FRMPD4: variants seen among roughly 807,000 people sequenced by gnomAD.
FRMPD4 encodes the protein FERM and PDZ domain-containing protein 4.
FRMPD4 carries 22 observed loss-of-function variants against 94.1 expected under a neutral mutation model. The observed-to-expected ratio is 0.23, with a 90% CI of 0.17 to 0.33. The LOEUF is 0.33. Ranked by LOEUF, FRMPD4 falls within the 10% of genes least tolerant of loss-of-function variation. The pLI is 1.00. For synonymous variants in FRMPD4, 631 were observed against 548.6 expected (o/e 1.15, Z -2.10); for missense variants, 1,111 against 1,339.9 (o/e 0.83, Z 2.67).
At chrX:12,473,112 C>T (rs1215043525) in intron 1 of FRMPD4, among the ~76,000 whole-genome samples, 1 of 111,019 alleles carries the variant, frequency 9.0e-6, no homozygotes, top group Admixed American at 9.4e-5. Context: ...AACAGCTGAT[C>T]TCTCGGCAGA....
intron 3 of FRMPD4, among the ~76,000 whole-genome samples, chrX:12,128,969 G>T (rs2055524300): frequency 9.0e-6 from 1 of 111,642 alleles, no homozygotes; most frequent in Non-Finnish European, 1.9e-5. Context: ...GGACTTCATT[G>T]TCCGTATCAC....
chrX:12,114,743 T>G lies in FRMPD4; in HGVS notation c.95+236725T>G, dbSNP rs187648961. Among the ~76,000 whole-genome samples the G allele has an allele frequency of 3.5e-4, 39 of 112,824 alleles. 1 individual carries two copies. The East Asian group carries it at 9.4e-3, about 27-fold the overall frequency. ...AGAAATAACTCTCATATTTAATTTT[T>G]ATTTCCTTTTTAACCGTCTTTAAAA... On this transcript the variant is annotated intron_variant, in intron 3 of 18. Transcript: ENST00000640291.
chrX:12,545,157 A>G (rs1261209664), intron 2 of FRMPD4, among the ~76,000 whole-genome samples: 4 of 112,106 alleles, frequency 3.6e-5, no homozygotes, highest in Non-Finnish European at 7.5e-5. Flanking sequence ...ATTCTAGAGG[A>G]AACTTGTCCA....
chrX:12,099,797 T>G (rs755803163), intron 3 of FRMPD4, among the ~76,000 whole-genome samples: 4 of 112,612 alleles, frequency 3.6e-5, no homozygotes, highest in Non-Finnish European at 7.5e-5. Flanking sequence ...GGAAAGAACA[T>G]GAGCTCTGAA....
intron 1 of FRMPD4, among the ~76,000 whole-genome samples, chrX:12,309,095 T>C (rs2054990507): frequency 8.9e-6 from 1 of 112,534 alleles, no homozygotes; most frequent in Non-Finnish European, 1.9e-5. Flanking sequence ...TCAACTCTGC[T>C]GTTATTGCAT....
chrX:11,826,768 C>A (rs1009365488), intron 1 of FRMPD4, among the ~76,000 whole-genome samples: 1 of 111,113 alleles, frequency 9.0e-6, no homozygotes, highest in Non-Finnish European at 1.9e-5. Context: ...ATTAATAGAA[C>A]ATTTATCCAG....
chrX:12,200,905 C>T (rs149692841), intron 1 of FRMPD4, among the ~76,000 whole-genome samples: 278 of 112,440 alleles, frequency 2.5e-3, no homozygotes, highest in African/African-American at 8.6e-3. Context: ...ATTGCAAAAA[C>T]AGCTTCTTCC....
chrX:12,455,210 A>C (rs963791997), intron 1 of FRMPD4, among the ~76,000 whole-genome samples: 1 of 111,175 alleles, frequency 9.0e-6, no homozygotes, highest in Non-Finnish European at 1.9e-5. Flanking sequence ...AGAAAAAAGC[A>C]CCCTGTGCTT....
At chrX:12,462,841 T>G (rs1220956075) in intron 1 of FRMPD4, among the ~76,000 whole-genome samples, 2 of 111,322 alleles carry the variant, frequency 1.8e-5, no homozygotes, top group Non-Finnish European at 3.8e-5. Flanking sequence ...ATTTTAAAAA[T>G]TAGCCATGCA....
intron 1 of FRMPD4, among the ~76,000 whole-genome samples, chrX:12,272,744 A>G (rs1224318565): frequency 9.0e-6 from 1 of 111,708 alleles, no homozygotes; most frequent in Non-Finnish European, 1.9e-5. Context: ...AAAAATAAAT[A>G]TATATAAAAT....
chrX:12,153,548 T>C (rs2055892554), intron 1 of FRMPD4, among the ~76,000 whole-genome samples: 1 of 112,519 alleles, frequency 8.9e-6, no homozygotes, highest in African/African-American at 3.2e-5. Context: ...TATCTCCCTT[T>C]CATTCCGATG....
intron 3 of FRMPD4, among the ~76,000 whole-genome samples, chrX:12,080,324 G>A (rs2055052223): frequency 8.9e-6 from 1 of 112,300 alleles, no homozygotes; most frequent in African/African-American, 3.2e-5. Flanking sequence ...AAAGCTTTCT[G>A]GTTTGGACGA....
Position 12,704,275 on chromosome X carries a change from T to A in FRMPD4, c.1071-84T>A. The A allele has an allele frequency of 1.1e-5, 8 of 731,941 alleles. No individual in the cohort carries two copies. The South Asian group carries it at 2.7e-4, about 25-fold the overall frequency. 60.3% of individuals were successfully genotyped at this position (731,941 alleles called of 1,213,427 possible). ...TCTGCCTCACCAAGGGTTCATTTGT[T>A]CCAACAAACATCAGAGCACCATTTT... On this transcript the variant is annotated intron_variant, in intron 10 of 16. Transcript: ENST00000675598.
intron 1 of FRMPD4, among the ~76,000 whole-genome samples, chrX:12,308,007 A>G (rs1213386776): frequency 1.8e-5 from 2 of 111,770 alleles, no homozygotes; most frequent in African/African-American, 6.5e-5. Flanking sequence ...TGATCACAGT[A>G]TGTTGGGCAC....
chrX:12,715,951 T>A, intron 14 of FRMPD4, 118 bp from the exon 15 acceptor site: 1 of 441,645 alleles, frequency 2.3e-6, no homozygotes, highest in Non-Finnish European at 4.0e-6. Context: ...AAAAACTGTA[T>A]TTACATAAGT....
intron 1 of FRMPD4, among the ~76,000 whole-genome samples, chrX:12,220,815 C>G (rs941066222): frequency 8.9e-6 from 1 of 112,106 alleles, no homozygotes; most frequent in South Asian, 3.7e-4. Flanking sequence ...TAATCTTTTT[C>G]TGTAGAAATT....
chrX:11,898,801 C>T (rs1009310599), intron 3 of FRMPD4, among the ~76,000 whole-genome samples: 1 of 111,556 alleles, frequency 9.0e-6, no homozygotes, highest in Non-Finnish European at 1.9e-5. Flanking sequence ...GAAAGTAGAT[C>T]CAGCAGGATT....
chrX:12,000,617 C>G (rs1168870672), intron 3 of FRMPD4, among the ~76,000 whole-genome samples: 1 of 111,500 alleles, frequency 9.0e-6, no homozygotes, highest in African/African-American at 3.3e-5. Flanking sequence ...AATATAATTT[C>G]CTTGCCCAGA....
chrX:12,469,548 GCCT>G (rs1236228540), intron 1 of FRMPD4, among the ~76,000 whole-genome samples: 16 of 111,638 alleles, frequency 1.4e-4, no homozygotes, highest in Admixed American at 7.6e-4. Context: ...ACCGTGCCCG[GCCT>G]CCTTTCTTTC....
Sources: gnomAD v4.1 joint callset for allele counts (sites outside exome capture counted in the v4.1 genomes callset) on GRCh38, gnomAD v4.1.1 for gene constraint, MANE v1.5 for transcripts, NCBI Gene and HGNC (gene_info 2026-07-23, HGNC 2026-07-21) for gene names.